CNTN5: variants seen among roughly 807,000 people sequenced by gnomAD.
The protein encoded by CNTN5 is contactin-5.
A neutral mutation model predicts 129.1 loss-of-function variants in CNTN5; 77 were observed. The ratio of observed to expected loss-of-function variants is 0.60; its 90% confidence interval spans 0.50 to 0.72. CNTN5 has a LOEUF of 0.72. Among genes scored for constraint, CNTN5 ranks in the 30% least tolerant of loss-of-function variants. CNTN5 has a pLI of 0.00. For missense variants in CNTN5, 1,478 were observed against 1,328.8 expected (o/e 1.11, Z -1.75); for synonymous variants, 509 against 465.6 (o/e 1.09, Z -1.20).
chr11:99,619,200 A>C (rs1950853141), intron 3 of CNTN5, among the ~76,000 whole-genome samples: 1 of 152,238 alleles, frequency 6.6e-6, no homozygotes, highest in Admixed American at 6.5e-5. Flanking sequence ...AAAATCAAAA[A>C]ACTATATTAG....
chr11:99,883,884 A>G (rs1948832686), intron 6 of CNTN5, among the ~76,000 whole-genome samples: 1 of 152,250 alleles, frequency 6.6e-6, no homozygotes, highest in Non-Finnish European at 1.5e-5. Context: ...AAGATAAGAT[A>G]TTAGAAGCCA....
At chr11:100,209,926 A>C (rs1948991729) in intron 15 of CNTN5, among the ~76,000 whole-genome samples, 2 of 152,194 alleles carry the variant, frequency 1.3e-5, no homozygotes, top group Non-Finnish European at 2.9e-5. Context: ...GCAGAGCTTA[A>C]CTAGTGGAGA....
chr11:99,192,747 G>A (rs1167145796), intron 1 of CNTN5, among the ~76,000 whole-genome samples: 1 of 151,912 alleles, frequency 6.6e-6, no homozygotes, highest in Non-Finnish European at 1.5e-5. Flanking sequence ...TATTTAAAAA[G>A]AACATTCCCT....
chr11:99,546,300 T>C (rs924083691), intron 2 of CNTN5, among the ~76,000 whole-genome samples: 26 of 152,116 alleles, frequency 1.7e-4, no homozygotes, highest in African/African-American at 6.3e-4. Flanking sequence ...ACAAAGACCA[T>C]TAGCAGGCAC....
chr11:99,486,318 A>C (rs962914523), intron 2 of CNTN5, among the ~76,000 whole-genome samples: 1 of 152,082 alleles, frequency 6.6e-6, no homozygotes, highest in South Asian at 2.1e-4. Context: ...ACTTTTGTCT[A>C]TGCTTATGTC....
intron 1 of CNTN5, among the ~76,000 whole-genome samples, chr11:99,217,745 C>G (rs1036885615): frequency 6.6e-6 from 1 of 151,996 alleles, no homozygotes. Flanking sequence ...AATCTACCAA[C>G]CCACTCATCT....
At chr11:100,063,440 G>A (rs1457396046) in intron 10 of CNTN5, among the ~76,000 whole-genome samples, 1 of 151,832 alleles carries the variant, frequency 6.6e-6, no homozygotes, top group African/African-American at 2.4e-5. Flanking sequence ...TGGCTACTTG[G>A]CATATATTTG....
At chr11:99,049,588 C>A (rs929640088) in intron 1 of CNTN5, 3 of 152,002 alleles carry the variant, frequency 2.0e-5, no homozygotes, top group Non-Finnish European at 4.4e-5. Context: ...TTTCAAATCC[C>A]AGTCATCTCT....
At chr11:99,147,452 T>C (rs1350293539) in intron 1 of CNTN5, among the ~76,000 whole-genome samples, 2 of 152,188 alleles carry the variant, frequency 1.3e-5, no homozygotes, top group Non-Finnish European at 2.9e-5. Flanking sequence ...TCCATATATT[T>C]TAGTTTTATA....
In CNTN5 at chr11:100,199,065, T is replaced by C. The variant is rs78178254; in HGVS notation, c.1884+5402T>C. Among the ~76,000 whole-genome samples, 245 of 152,046 alleles carry C rather than the reference T, an allele frequency of 1.6e-3. 2 individuals are homozygous for C. The East Asian group carries it at 0.031, about 19-fold the overall frequency. On this transcript the variant is annotated intron_variant, in intron 15 of 24. Transcript: ENST00000524871. Reference sequence around the variant, plus strand: ...TAAATATTAATTGTGTAAAAATCAATGGAATGCTTGGGTATACTGCCAGTT... The same window carrying C: ...TAAATATTAATTGTGTAAAAATCAACGGAATGCTTGGGTATACTGCCAGTT...
intron 1 of CNTN5, among the ~76,000 whole-genome samples, chr11:99,069,721 T>C (rs142710766): frequency 0.011 from 1,641 of 152,280 alleles, 26 homozygotes; most frequent in South Asian, 0.072. Flanking sequence ...AGAATTTAGA[T>C]AGCTTGAAAA....
chr11:99,994,875 G>A (rs1439430823), intron 8 of CNTN5, among the ~76,000 whole-genome samples: 2 of 152,090 alleles, frequency 1.3e-5, no homozygotes, highest in Non-Finnish European at 2.9e-5. Flanking sequence ...TATTCAAGTA[G>A]CTAGTAGAGA....
chr11:99,131,510 G>A (rs1340598219), intron 1 of CNTN5, among the ~76,000 whole-genome samples: 1 of 151,694 alleles, frequency 6.6e-6, no homozygotes, highest in African/African-American at 2.4e-5. Flanking sequence ...ACAAGTGAGA[G>A]TAATAAAGAA....
At chr11:99,347,165 T>C (rs1195989137) in intron 2 of CNTN5, among the ~76,000 whole-genome samples, 1 of 152,168 alleles carries the variant, frequency 6.6e-6, no homozygotes, top group Non-Finnish European at 1.5e-5. Context: ...GTCCCAGAGT[T>C]TCAAGTTCAA....
intron 2 of CNTN5, among the ~76,000 whole-genome samples, chr11:99,364,715 C>T (rs12274565): frequency 0.032 from 4,915 of 152,040 alleles, 265 homozygotes; most frequent in African/African-American, 0.11. Flanking sequence ...TTTGTCGGTA[C>T]GATTAAATCA....
chr11:99,727,102 C>T (rs373331396), intron 3 of CNTN5, among the ~76,000 whole-genome samples: 4,641 of 149,076 alleles, frequency 0.031, 88 homozygotes, highest in South Asian at 0.045. Context: ...GTCAGGAGAT[C>T]GAGACCATCC....
At chr11:99,427,666 T>G (rs1943186704) in intron 2 of CNTN5, among the ~76,000 whole-genome samples, 1 of 144,028 alleles carries the variant, frequency 6.9e-6, no homozygotes, top group African/African-American at 2.6e-5. Context: ...CTTGGGAGGC[T>G]GAGGAAGGAG....
intron 21 of CNTN5, among the ~76,000 whole-genome samples, chr11:100,321,330 G>T (rs1279339288): frequency 1.4e-5 from 2 of 146,478 alleles, no homozygotes. Context: ...AATAGGATTG[G>T]TTTCCTGATT....
intron 2 of CNTN5, among the ~76,000 whole-genome samples, chr11:99,533,769 C>G (rs956482257): frequency 6.6e-6 from 1 of 152,196 alleles, no homozygotes; most frequent in African/African-American, 2.4e-5. Flanking sequence ...TCACTACTCC[C>G]TTTGTTGGAG....
Sources: allele counts gnomAD v4.1 joint callset (sites outside exome capture counted in the v4.1 genomes callset), GRCh38; gene constraint gnomAD v4.1.1; transcripts MANE v1.5; gene names NCBI Gene and HGNC (gene_info 2026-07-23, HGNC 2026-07-21).